Variants in RBBP7 observed in about 807,000 individuals in gnomAD.
RBBP7 encodes histone-binding protein RBBP7.
RBBP7 carries 5 observed loss-of-function variants against 35.2 expected under a neutral mutation model. That is an observed-to-expected ratio of 0.14 (90% CI 0.07 to 0.30). The LOEUF (loss-of-function observed/expected upper bound fraction) is 0.30, where lower values mean the gene tolerates loss of function less well. Ranked by LOEUF, RBBP7 falls within the 10% of genes least tolerant of loss-of-function variation. RBBP7 has a pLI of 1.00. For synonymous variants in RBBP7, 140 were observed against 118.7 expected (o/e 1.18, Z -1.17); for missense variants, 155 against 327.5 (o/e 0.47, Z 4.07).
chrX:16,854,970 C>T (rs1930310095), intron 5 of RBBP7, among the ~76,000 whole-genome samples: 1 of 92,044 alleles, frequency 1.1e-5, no homozygotes, highest in Non-Finnish European at 2.1e-5. Flanking sequence ...TATAGTTCCA[C>T]CGACACTGGT....
At chrX:16,866,738 AGGCATTGAGAATAG>A (rs1930634500) in intron 2 of RBBP7, among the ~76,000 whole-genome samples, 2 of 109,886 alleles carry the variant, frequency 1.8e-5, no homozygotes, top group Non-Finnish European at 3.8e-5. Flanking sequence ...CCTCAGAGTC[AGGCATTGAGAATAG>A]TCAACATTTT....
At chrX:16,865,695 T>C (rs1172590972) in intron 2 of RBBP7, among the ~76,000 whole-genome samples, 2 of 112,340 alleles carry the variant, frequency 1.8e-5, no homozygotes, top group Non-Finnish European at 3.8e-5. Context: ...GCAGAATCCT[T>C]TGACCCCAGT....
chrX:16,858,115 A>C (rs1331404167), intron 4 of RBBP7, among the ~76,000 whole-genome samples: 2 of 111,272 alleles, frequency 1.8e-5, no homozygotes, highest in African/African-American at 6.6e-5. Context: ...CTGACTGATA[A>C]AGTTTTGTAA....
chrX:16,856,508 TGACAGA>T (rs1353190418), intron 5 of RBBP7, among the ~76,000 whole-genome samples: 20 of 109,529 alleles, frequency 1.8e-4, no homozygotes, highest in African/African-American at 6.6e-4. Context: ...CCAGCCTGGG[TGACAGA>T]GACAGACTCC....
rs1379436342 is a variant in RBBP7 at position 16,866,983 on chromosome X, T to A, written c.161+2093A>T. Among the ~76,000 whole-genome samples the A allele has an allele frequency of 4.5e-5, 5 of 112,126 alleles. No individual in the cohort carries two copies. In the East Asian group the frequency reaches 1.4e-3, roughly 31 times the overall value. ...AATTTAATTAAAGCATTTTGTTACA[T>A]TCCTAAGTATTACATATTATAGGTA... is the stretch of plus-strand genomic sequence containing the variant. On this transcript the variant is annotated intron_variant, in intron 2 of 11. Transcript: ENST00000380087.
chrX:16,869,149 G>A lies in RBBP7; in HGVS notation c.88C>T (p.Leu30=). The change falls in exon 2 of 12, where the codon CTA becomes TTA. Residue 30 remains leucine (L), a synonymous_variant. Transcript: ENST00000380087. ...GCATGGGTCATAACCAGGTCATATA[G>A]AAACGGTGTATTCTTCTTCCAGATT... ...YKIWKKNTPF[L]YDLVMTHALQ... is the part of the protein sequence containing the mutation. 3 of 1,210,010 alleles carry A rather than the reference G, an allele frequency of 2.5e-6. No individual in the cohort carries two copies. Among genetic ancestry groups the A allele is most frequent in the South Asian group, 3.5e-5 (2 of 56,942 alleles).
At chrX:16,862,646 G>C (rs939099986) in intron 3 of RBBP7, among the ~76,000 whole-genome samples, 2 of 111,428 alleles carry the variant, frequency 1.8e-5, no homozygotes, top group South Asian at 7.6e-4. Flanking sequence ...GCCTCCCAAA[G>C]TGCTGGGATT....
In RBBP7 at chrX:16,870,238, G is replaced by A; in HGVS notation, c.-185C>T. ...CGTCCTTCTTTCCTGCCTCCTCCCC[G>A]CTCGCGGGTACCGAGGTCTGAGGCG... is the stretch of plus-strand genomic sequence containing the variant. On this transcript the variant is annotated 5_prime_UTR_variant, in exon 1 of 12. Transcript: ENST00000380087. 6.8e-6 allele frequency: 4 copies of A among 591,857 alleles called. No individual in the cohort carries two copies. Among genetic ancestry groups the A allele is most frequent in the Non-Finnish European group, 8.5e-6 (4 of 471,164 alleles). The allele number at this position is 591,857 out of a possible 1,213,427, so 48.8% of individuals were successfully genotyped here. A position where few individuals can be genotyped will look rare whatever the true frequency, so the allele number is the denominator to read the frequency against.
At chrX:16,869,526 G>T in intron 1 of RBBP7, 1 of 1,166,913 alleles carries the variant, frequency 8.6e-7, no homozygotes, top group Middle Eastern at 2.3e-4. Flanking sequence ...ACGTACAGGG[G>T]CTGCGCGACC....
At position 16,845,682 on chromosome X, in the gene RBBP7, T is replaced by A. The variant is rs1010850850; in HGVS notation, c.1209+146A>T. The A allele has an allele frequency of 3.8e-6, 4 of 1,049,268 alleles. No homozygotes were observed. The African/African-American group carries it at 7.7e-5, about 20-fold the overall frequency. The allele number at this position is 1,049,268 out of a possible 1,213,427, so 86.5% of individuals were successfully genotyped here. A position where few individuals can be genotyped will look rare whatever the true frequency, so the allele number is the denominator to read the frequency against. On this transcript the variant is annotated intron_variant, in intron 11 of 11. Transcript: ENST00000380087. ...CCATATGGGACTAAAGATTGTATTG[T>A]TGAAATGGAAAAAGTTCTTTTAAAC...
chrX:16,850,733 T>C (rs1325138016), intron 9 of RBBP7, among the ~76,000 whole-genome samples: 1 of 112,004 alleles, frequency 8.9e-6, no homozygotes, highest in Non-Finnish European at 1.9e-5. Flanking sequence ...TTGGTTTTAA[T>C]ATATAGGTTG....
Position 16,869,680 on chromosome X carries a change from G to A in RBBP7, c.16+358C>T, listed in dbSNP as rs781386019. 7.8e-5 allele frequency: 82 copies of A among 1,048,115 alleles called. No homozygotes were observed. The South Asian group carries it at 2.1e-3, about 27-fold the overall frequency. The allele number at this position is 1,048,115 out of a possible 1,213,427, so 86.4% of individuals were successfully genotyped here. A position where few individuals can be genotyped will look rare whatever the true frequency, so the allele number is the denominator to read the frequency against. On this transcript the variant is annotated intron_variant, in intron 1 of 11. Coordinates refer to ENST00000380087, the MANE Select transcript of RBBP7 (RefSeq NM_002893.4). ...CCAGCAACCCCCGGACAAGGGCCGC[G>A]ACCCCGAGGCGGTCAACGCGCGCGC...
intron 10 of RBBP7, chrX:16,846,285 C>A: frequency 7.2e-6 from 1 of 138,660 alleles, no homozygotes; most frequent in Non-Finnish European, 1.4e-5. Context: ...GTCAAAATGC[C>A]ATTTCCATAC....
chrX:16,869,869 G>T, intron 1 of RBBP7, 169 bp downstream of exon 1: 2 of 833,976 alleles, frequency 2.4e-6, no homozygotes, highest in African/African-American at 2.2e-5. Flanking sequence ...AGCCCTCGGC[G>T]CGGCGGTCCC....
Position 16,853,665 on chromosome X carries a change from T to A in RBBP7, c.758+17A>T, listed in dbSNP as rs1930268467. ...GGTCACCCATTTAACAAGATCCCAC[T>A]GAATTTTCCACCTTACATCATAAGT... On this transcript the variant is annotated intron_variant, in intron 6 of 11. Coordinates refer to ENST00000380087, the MANE Select transcript of RBBP7 (RefSeq NM_002893.4). 9.1e-7 allele frequency: 1 copy of A among 1,104,065 alleles called. No homozygotes were observed. The highest frequency in any genetic ancestry group is 3.1e-5 in the Admixed American group (1 of 31,754). The allele number at this position is 1,104,065 out of a possible 1,213,427, so 91.0% of individuals were successfully genotyped here. A position where few individuals can be genotyped will look rare whatever the true frequency, so the allele number is the denominator to read the frequency against.
rs748270274 is a variant in RBBP7, at chrX:16,869,989, CCGCCGCCCCCCGCGGCCCCGGCGCG to C, written c.16+24_16+48del. On this transcript the variant is annotated intron_variant, in intron 1 of 11. Coordinates refer to ENST00000380087, the MANE Select transcript of RBBP7 (RefSeq NM_002893.4). ...CGGCGCGTGCCGCGGCCTCGCGCGC[CCGCCGCCCCCCGCGGCCCCGGCGCG>C]CGCCGCCCCGCAGGGCCTCTTACTC... The C allele has an allele frequency of 2.0e-4, 150 of 756,356 alleles. 2 individuals are homozygous for C. The East Asian group carries it at 8.8e-3, about 44-fold the overall frequency. 62.3% of individuals were successfully genotyped at this position (756,356 alleles called of 1,213,427 possible). A position where few individuals can be genotyped will look rare whatever the true frequency, so the allele number is the denominator to read the frequency against.
rs1239101853 is a variant in RBBP7, at chrX:16,853,968, C to T, written c.598-126G>A. The T allele has an allele frequency of 1.9e-5, 10 of 527,283 alleles. No individual in the cohort carries two copies. The East Asian group carries it at 3.2e-4, about 17-fold the overall frequency. The allele number at this position is 527,283 out of a possible 1,213,427, so 43.5% of individuals were successfully genotyped here. A position where few individuals can be genotyped will look rare whatever the true frequency, so the allele number is the denominator to read the frequency against. On this transcript the variant is annotated intron_variant, in intron 5 of 11. Coordinates refer to ENST00000380087, the MANE Select transcript of RBBP7 (RefSeq NM_002893.4). ...TGCGATCTCGGCTCACTGCAGCCTC[C>T]GCCTCCAGGGCTCAAGCGATTCTCC...
chrX:16,848,153 G>T (rs766217495), intron 10 of RBBP7: 2 of 111,893 alleles, frequency 1.8e-5, no homozygotes, highest in South Asian at 7.5e-4. Context: ...AGGAAGAAGA[G>T]AATTGGGAGG....
At chrX:16,849,520 G>A (rs1033187614) in intron 9 of RBBP7, among the ~76,000 whole-genome samples, 1 of 110,803 alleles carries the variant, frequency 9.0e-6, no homozygotes, top group Non-Finnish European at 1.9e-5. Flanking sequence ...TCACAGGCAC[G>A]ATCACTGTGC....
Sources: allele counts gnomAD v4.1 joint callset (sites outside exome capture counted in the v4.1 genomes callset), GRCh38; gene constraint gnomAD v4.1.1; transcripts MANE v1.5; gene names NCBI Gene and HGNC (gene_info 2026-07-23, HGNC 2026-07-21).